Variants in ATXN8OS observed in about 807,000 individuals in gnomAD.
ATXN8OS encodes the protein ATXN8 opposite strand lncRNA, also known as ATXN8 opposite strand (non-protein coding).
intron 4 of ATXN8OS, among the ~76,000 whole-genome samples, chr13:70,166,068 C>G (rs546112023): frequency 2.7e-4 from 41 of 152,114 alleles, no homozygotes; most frequent in African/African-American, 8.2e-4. Context: ...AGAGAAAAAT[C>G]TCTCATCATA....
At chr13:70,148,648 T>C (rs888565626) in intron 4 of ATXN8OS, among the ~76,000 whole-genome samples, 7 of 152,152 alleles carry the variant, frequency 4.6e-5, no homozygotes, top group Non-Finnish European at 1.0e-4. Context: ...AATATTTTTA[T>C]TTTGTTTTAC....
chr13:70,137,546 C>A (rs1024863925), intron 3 of ATXN8OS, among the ~76,000 whole-genome samples: 1 of 152,056 alleles, frequency 6.6e-6, no homozygotes, highest in Non-Finnish European at 1.5e-5. Context: ...ACTGACATGA[C>A]CAGATTTTGT....
At chr13:70,163,360 C>T (rs1376882513) in intron 4 of ATXN8OS, among the ~76,000 whole-genome samples, 2 of 151,838 alleles carry the variant, frequency 1.3e-5, no homozygotes, top group African/African-American at 2.4e-5. Context: ...TTAATTATTA[C>T]ACAAAATCAT....
At chr13:70,140,535 A>AC (rs1566607725) in intron 3 of ATXN8OS, among the ~76,000 whole-genome samples, 82 of 113,774 alleles carry the variant, frequency 7.2e-4, no homozygotes, top group African/African-American at 2.7e-3. Context: ...CACACACACA[A>AC]AAAAAAAAAA....
chr13:70,116,556 A>G (rs1888281623), intron 2 of ATXN8OS, among the ~76,000 whole-genome samples: 2 of 152,176 alleles, frequency 1.3e-5, no homozygotes, highest in Admixed American at 6.6e-5. Flanking sequence ...TTGGAGTTCA[A>G]GGAGGCAGCA....
intron 3 of ATXN8OS, among the ~76,000 whole-genome samples, chr13:70,138,327 A>C (rs2137489185): frequency 6.6e-6 from 1 of 150,496 alleles, no homozygotes; most frequent in African/African-American, 2.4e-5. Context: ...TTAAATTAAA[A>C]AAAAAAAAAG....
chr13:70,144,546 G>C (rs1350993663), intron 3 of ATXN8OS, among the ~76,000 whole-genome samples: 2 of 152,008 alleles, frequency 1.3e-5, no homozygotes, highest in Admixed American at 6.6e-5. Context: ...ATGCAAATGG[G>C]ATACTTCTTT....
At chr13:70,143,935 A>T (rs1338894683) in intron 3 of ATXN8OS, among the ~76,000 whole-genome samples, 1 of 152,098 alleles carries the variant, frequency 6.6e-6, no homozygotes, top group African/African-American at 2.4e-5. Context: ...CTTATTTACG[A>T]ATTTTGTTTT....
chr13:70,137,800 T>C (rs1888638123), intron 3 of ATXN8OS, among the ~76,000 whole-genome samples: 2 of 152,152 alleles, frequency 1.3e-5, no homozygotes, highest in African/African-American at 4.8e-5. Context: ...AATTCTTACA[T>C]GGCTATAAAG....
At chr13:70,118,750 A>T (rs1471868156) in intron 2 of ATXN8OS, among the ~76,000 whole-genome samples, 1 of 152,032 alleles carries the variant, frequency 6.6e-6, no homozygotes, top group Non-Finnish European at 1.5e-5. Flanking sequence ...CTGCCTGTGG[A>T]AACTAAAATT....
intron 2 of ATXN8OS, among the ~76,000 whole-genome samples, chr13:70,128,463 A>G (rs1888476566): frequency 6.6e-6 from 1 of 152,134 alleles, no homozygotes; most frequent in Non-Finnish European, 1.5e-5. Context: ...TAAGAAGGGG[A>G]GGGCAAATGG....
chr13:70,112,920 A>ATATATATATATATT (rs1555298511), intron 1 of ATXN8OS, among the ~76,000 whole-genome samples: 3 of 87,590 alleles, frequency 3.4e-5, no homozygotes, highest in African/African-American at 1.3e-4. Context: ...TATATATATA[A>ATATATATATATATT]TTTTTTTTTT....
rs567995969 is a variant in ATXN8OS, at chr13:70,162,114, T to C, written n.574-7639T>C. 5.8e-4 allele frequency among the ~76,000 whole-genome samples: 88 copies of C among 152,112 alleles called. 2 individuals carry two copies. Among genetic ancestry groups the C allele is most frequent in the African/African-American group, 1.7e-3 (72 of 41,540 alleles). On this transcript the variant is annotated intron_variant and non_coding_transcript_variant, in intron 4 of 4. Transcript: ENST00000678624. ...AAAAGGAAGAGATGGAGGGTGCACA[T>C]TGAGTTAAAATTGTGTTTATTTATG... is the stretch of plus-strand genomic sequence containing the variant.
intron 3 of ATXN8OS, among the ~76,000 whole-genome samples, chr13:70,135,543 T>C (rs1257101920): frequency 1.3e-5 from 2 of 152,156 alleles, no homozygotes; most frequent in African/African-American, 2.4e-5. Context: ...TCATATCACC[T>C]TCTTCCTTGA....
chr13:70,145,452 T>C (rs1888769582), intron 3 of ATXN8OS, among the ~76,000 whole-genome samples: 2 of 151,990 alleles, frequency 1.3e-5, no homozygotes, highest in African/African-American at 4.8e-5. Context: ...AGTATGGCCA[T>C]TTTCACGATA....
chr13:70,164,202 T>C (rs1322006848), intron 4 of ATXN8OS, among the ~76,000 whole-genome samples: 4 of 151,172 alleles, frequency 2.6e-5, no homozygotes, highest in Admixed American at 6.6e-5. Context: ...ATTCTAACTC[T>C]AGTTGAAAAT....
intron 4 of ATXN8OS, among the ~76,000 whole-genome samples, chr13:70,165,622 C>T (rs1317836447): frequency 6.6e-6 from 1 of 151,768 alleles, no homozygotes; most frequent in African/African-American, 2.4e-5. Context: ...AGAAATCATA[C>T]ATATGAGGAA....
intron 3 of ATXN8OS, among the ~76,000 whole-genome samples, chr13:70,133,043 G>C (rs1201031485): frequency 1.3e-5 from 2 of 152,124 alleles, no homozygotes; most frequent in Admixed American, 1.3e-4. Flanking sequence ...GCATTGATCA[G>C]TAATCAATCA....
chr13:70,112,920 A>T lies in ATXN8OS; in HGVS notation n.241-2221A>T, dbSNP rs201453403. Among the ~76,000 whole-genome samples the T allele has an allele frequency of 3.7e-3, 324 of 87,540 alleles. 1 individual carries two copies. Among genetic ancestry groups the T allele is most frequent in the Non-Finnish European group, 5.0e-3 (228 of 45,968 alleles). 57.4% of individuals were successfully genotyped at this position (87,540 alleles called of 152,430 possible). On this transcript the variant is annotated intron_variant and non_coding_transcript_variant, in intron 1 of 4. Transcript: ENST00000678624. ...ACTGCTGAGGGACTTTATATATATA[A>T]TTTTTTTTTTTTTTTTTTTTGAGAT...
Sources: gnomAD v4.1 joint callset for allele counts (sites outside exome capture counted in the v4.1 genomes callset) on GRCh38, gnomAD v4.1.1 for gene constraint, MANE v1.5 for transcripts, NCBI Gene and HGNC (gene_info 2026-07-23, HGNC 2026-07-21) for gene names.